The following MMP12 variants were observed in gnomAD, a reference collection of about 807,000 sequenced individuals.
MMP12 encodes the protein matrix metallopeptidase 12.
MMP12 carries 51 observed loss-of-function variants against 45.2 expected under a neutral mutation model. The observed-to-expected ratio is 1.13, with a 90% CI of 0.90 to 1.42. The LOEUF is 1.42. MMP12 is among the 40% of genes most tolerant of loss of function. MMP12 has a pLI of 0.00. For synonymous variants in MMP12, 210 were observed against 193.3 expected (o/e 1.09, Z -0.72); for missense variants, 530 against 570.8 (o/e 0.93, Z 0.73).
chr11:102,873,164 G>A (rs868983844), intron 1 of MMP12, 52 bp from the exon 2 acceptor site: 2 of 1,539,084 alleles, frequency 1.3e-6, no homozygotes, highest in East Asian at 4.5e-5. Context: ...GAAAATTTCT[G>A]TTGGGAGCTC....
Position 102,862,834 on chromosome 11 carries a change from C to T in MMP12, c.*266G>A, listed in dbSNP as rs201272837. The stretch of plus-strand genomic sequence containing the variant: ...TCAGTCCAAGGATGTTAGGAAGCAA[C>T]TTACAGAGCATGCTTCAAATAGAAT... On this transcript the variant is annotated 3_prime_UTR_variant, in exon 10 of 10. Transcript: ENST00000571244. The T allele has an allele frequency of 8.1e-6, 2 of 246,662 alleles. No individual in the cohort carries two copies. Among genetic ancestry groups the T allele is most frequent in the East Asian group, 1.6e-4 (2 of 12,740 alleles). 15.3% of individuals were successfully genotyped at this position (246,662 alleles called of 1,614,324 possible). A position where few individuals can be genotyped will look rare whatever the true frequency, so the allele number is the denominator to read the frequency against.
chr11:102,872,221 C>T (rs11225443), intron 2 of MMP12, among the ~76,000 whole-genome samples: 4,339 of 152,236 alleles, frequency 0.029, 95 homozygotes, highest in Non-Finnish European at 0.045. Context: ...GCTTTTTGCT[C>T]CTGCTCCCAG....
At chr11:102,863,572 G>A (rs1256088720) in intron 9 of MMP12, among the ~76,000 whole-genome samples, 4 of 152,160 alleles carry the variant, frequency 2.6e-5, no homozygotes, top group Non-Finnish European at 4.4e-5. Context: ...ATTGGACCCA[G>A]CTAGGGCACA....
intron 1 of MMP12, among the ~76,000 whole-genome samples, chr11:102,873,599 C>CA (rs1289683569): frequency 2.0e-5 from 3 of 150,972 alleles, no homozygotes; most frequent in Non-Finnish European, 2.9e-5. Context: ...GACCCTGTCT[C>CA]AAAAAAAAGA....
chr11:102,870,840 T>C (rs1196429292), intron 4 of MMP12, among the ~76,000 whole-genome samples: 2 of 152,234 alleles, frequency 1.3e-5, no homozygotes, highest in African/African-American at 4.8e-5. Flanking sequence ...TGTAACTTTT[T>C]CTTTCTTGCT....
intron 2 of MMP12, among the ~76,000 whole-genome samples, chr11:102,872,256 A>G (rs529224021): frequency 6.6e-6 from 1 of 152,116 alleles, no homozygotes; most frequent in African/African-American, 2.4e-5. Flanking sequence ...CATCTTGACT[A>G]CTCTATAAAC....
chr11:102,867,258 A>C lies in MMP12; in HGVS notation c.911+12T>G. 1 of 1,572,366 alleles carries C rather than the reference A, an allele frequency of 6.4e-7. No homozygotes were observed. The highest frequency in any genetic ancestry group is 8.6e-7 in the Non-Finnish European group (1 of 1,162,602). On this transcript the variant is annotated intron_variant, in intron 6 of 9. Transcript: ENST00000571244. Reference sequence around the variant, plus strand: ...AAACTTTAATATTGGTTAGATATGAAAATGATCCTACCTGTCTTTGAAGAA... The same window carrying C: ...AAACTTTAATATTGGTTAGATATGACAATGATCCTACCTGTCTTTGAAGAA...
Position 102,871,899 on chromosome 11 carries a change from C to T in MMP12, c.404G>A (p.Arg135Gln), listed in dbSNP as rs180918521. ...MNREDVDYAIRKAFQVWSNVT... is the reference protein window; with the variant it reads ...MNREDVDYAIQKAFQVWSNVT... ...ATTACTCCATACTTGGAAAGCTTTC[C>T]GGATTGCGTAGTCAACATCCTCACG... The change falls in exon 3 of 10, where the codon CGG (arginine) becomes CAG (glutamine). Residue 135 changes from arginine to glutamine, a missense_variant. Physicochemically the swap from Arg to Gln is conservative, Grantham distance 43 (BLOSUM62 1). Coordinates refer to ENST00000571244, the MANE Select transcript of MMP12 (RefSeq NM_002426.6). 1.1e-4 allele frequency: 182 copies of T among 1,613,622 alleles called. No homozygotes were observed. The highest frequency in any genetic ancestry group is 1.4e-4 in the Non-Finnish European group (164 of 1,179,754).
At position 102,874,854 on chromosome 11, in the gene MMP12, A is replaced by AT. The variant is rs782420171; in HGVS notation, c.83dup (p.Asn28LysfsTer2). 1.2e-6 allele frequency: 2 copies of AT among 1,603,430 alleles called. No individual in the cohort carries two copies. Among genetic ancestry groups the AT allele is most frequent in the East Asian group, 2.2e-5 (1 of 44,668 alleles). On this transcript the variant is annotated frameshift_variant, in exon 1 of 10. Coordinates refer to ENST00000571244, the MANE Select transcript of MMP12 (RefSeq NM_002426.6). LOFTEE classifies it high-confidence loss of function. The stretch of plus-strand genomic sequence containing the variant: ...TACTTACTTCACCAAATAGCACATT[A>AT]TTTTTTTCCAGGCTTGTAGAGCTGT...
chr11:102,871,914 A>G lies in MMP12; in HGVS notation c.389T>C (p.Val130Ala), dbSNP rs201046473. Residue 130 changes from valine to alanine, a missense_variant, in exon 3 of 10, where the codon GTT becomes GCT. Coordinates refer to ENST00000571244, the MANE Select transcript of MMP12 (RefSeq NM_002426.6). Reference sequence around the variant, plus strand: ...GAAAGCTTTCCGGATTGCGTAGTCAACATCCTCACGGTTCATGTCAGGTGT... The same window carrying G: ...GAAAGCTTTCCGGATTGCGTAGTCAGCATCCTCACGGTTCATGTCAGGTGT... The part of the protein sequence containing the change: ...NYTPDMNRED[V>A]DYAIRKAFQV... 1.5e-4 allele frequency: 249 copies of G among 1,613,518 alleles called. No homozygotes were observed. Among genetic ancestry groups the G allele is most frequent in the Admixed American group, 1.8e-4 (11 of 59,960 alleles).
At chr11:102,868,160 G>T in intron 4 of MMP12, 91 bp from the exon 5 acceptor site, 1 of 1,157,256 alleles carries the variant, frequency 8.6e-7, no homozygotes, top group Non-Finnish European at 1.2e-6. Context: ...AGAAAGATTT[G>T]AGAATCTTTT....
chr11:102,874,713 G>C (rs1555009839), intron 1 of MMP12, 123 bp downstream of exon 1: 2 of 627,936 alleles, frequency 3.2e-6, no homozygotes, highest in Non-Finnish European at 5.5e-6. Flanking sequence ...CAGCCTCCTA[G>C]ACCAATTTTC....
intron 4 of MMP12, 86 bp downstream of exon 4, chr11:102,871,508 C>T: frequency 6.7e-7 from 1 of 1,488,388 alleles, no homozygotes. Context: ...CTCTCGAAAC[C>T]AGAATTTTGA....
At chr11:102,867,646 C>CTG (rs1555008771) in intron 5 of MMP12, among the ~76,000 whole-genome samples, 1 of 152,070 alleles carries the variant, frequency 6.6e-6, no homozygotes, top group Non-Finnish European at 1.5e-5. Flanking sequence ...TGTGGGCCTT[C>CTG]ATCAGTAAGG....
intron 4 of MMP12, among the ~76,000 whole-genome samples, chr11:102,868,381 G>A (rs1555008926): frequency 6.6e-6 from 1 of 152,130 alleles, no homozygotes; most frequent in African/African-American, 2.4e-5. Flanking sequence ...ATTGCCTAGG[G>A]TTAGGGACCT....
chr11:102,865,842 AT>A lies in MMP12; in HGVS notation c.1138del (p.Ile380LeufsTer17), dbSNP rs1859375347. ...SFGFPNFVKKIDAAVFNPRFY... is the reference protein window; with the variant it reads ...SFGFPNFVKKXDAAVFNPRFY... The stretch of plus-strand genomic sequence containing the variant: ...ACGTGGGTTAAAAACAGCTGCATCA[AT>A]TTTTTTCACAAAGTTAGGAAAACCA... On this transcript the variant is annotated frameshift_variant, in exon 8 of 10. Coordinates refer to ENST00000571244, the MANE Select transcript of MMP12 (RefSeq NM_002426.6). LOFTEE classifies it high-confidence loss of function. The surrounding 1 kb of genome is among the most constrained non-coding windows in gnomAD (Gnocchi z 4.1). 1.2e-6 allele frequency: 2 copies of A among 1,612,860 alleles called. No homozygotes were observed. Among genetic ancestry groups the A allele is most frequent in the Admixed American group, 1.7e-5 (1 of 59,896 alleles).
chr11:102,871,340 A>T (rs1208784005), intron 4 of MMP12, among the ~76,000 whole-genome samples: 4 of 152,144 alleles, frequency 2.6e-5, no homozygotes, highest in Admixed American at 2.6e-4. Context: ...TAGCATCCTC[A>T]TAGATTGTTA....
chr11:102,867,574 A>T (rs1481922821), intron 5 of MMP12, among the ~76,000 whole-genome samples, 181 bp from the exon 6 acceptor site: 1 of 152,184 alleles, frequency 6.6e-6, no homozygotes, highest in Non-Finnish European at 1.5e-5. Flanking sequence ...TTGCAATATC[A>T]TGGAGGAAGA....
rs1555009357 is a variant in MMP12, at chr11:102,871,663, C to G, written c.556G>C (p.Gly186Arg). ...TCCCCTCCAATGCCAGATCCAGGTCCAAAAGCATGGGCTAGGATTCCACCT... is the reference window on the plus strand; with the variant it reads ...TCCCCTCCAATGCCAGATCCAGGTCGAAAAGCATGGGCTAGGATTCCACCT... ...GKGGILAHAF[G>R]PGSGIGGDAH... The change falls in exon 4 of 10, where the codon GGA becomes CGA. Residue 186 changes from glycine to arginine, a missense_variant. Physicochemically the swap from Gly to Arg is moderately radical, Grantham distance 125 (BLOSUM62 -2). Transcript: ENST00000571244. 1 of 1,595,266 alleles carries G rather than the reference C, an allele frequency of 6.3e-7. No homozygotes were observed. The highest frequency in any genetic ancestry group is 8.5e-7 in the Non-Finnish European group (1 of 1,169,970).
Sources: allele counts gnomAD v4.1 joint callset (sites outside exome capture counted in the v4.1 genomes callset), GRCh38; gene constraint gnomAD v4.1.1; non-coding constraint Gnocchi (gnomAD v3.1); transcripts MANE v1.5; gene names NCBI Gene and HGNC (gene_info 2026-07-23, HGNC 2026-07-21).